Variants in ASTN2 observed in about 807,000 individuals in gnomAD.
The protein encoded by ASTN2 is astrotactin-2.
A neutral mutation model predicts 139.8 loss-of-function variants in ASTN2; 54 were observed. That is an observed-to-expected ratio of 0.39 (90% CI 0.31 to 0.48). The LOEUF is 0.48. Ranked by LOEUF, ASTN2 falls within the 20% of genes least tolerant of loss-of-function variation. ASTN2 has a pLI of 0.95. For synonymous variants in ASTN2, 756 were observed against 719.5 expected, an observed-to-expected ratio of 1.05 and a Z score of -0.81; for missense variants, 1,565 against 1,725.1, an observed-to-expected ratio of 0.91 and a Z score of 1.64.
chr9:116,652,571 C>A (rs1381621649), intron 16 of ASTN2, among the ~76,000 whole-genome samples: 1 of 152,156 alleles, frequency 6.6e-6, no homozygotes, highest in Non-Finnish European at 1.5e-5. Flanking sequence ...GTCAAGCCAA[C>A]TTCATCTGAA....
chr9:117,252,866 G>A (rs1564108139), intron 2 of ASTN2, among the ~76,000 whole-genome samples: 1 of 152,300 alleles, frequency 6.6e-6, no homozygotes, highest in Middle Eastern at 3.4e-3. Flanking sequence ...TAACCTTGGA[G>A]TGAATCCTGG....
intron 1 of ASTN2, among the ~76,000 whole-genome samples, chr9:117,325,029 C>T (rs1300927446): frequency 1.3e-5 from 2 of 152,122 alleles, no homozygotes; most frequent in South Asian, 2.1e-4. Context: ...GGTCTGGGAC[C>T]TGGCATGCTG....
intron 1 of ASTN2, among the ~76,000 whole-genome samples, chr9:117,332,409 A>G (rs963745514): frequency 6.6e-6 from 1 of 152,130 alleles, no homozygotes; most frequent in African/African-American, 2.4e-5. Context: ...TCTCTCCACT[A>G]AAAATACAAA....
chr9:117,348,161 A>G (rs2130875586), intron 1 of ASTN2, among the ~76,000 whole-genome samples: 1 of 152,302 alleles, frequency 6.6e-6, no homozygotes, highest in Middle Eastern at 3.4e-3. Flanking sequence ...CTTCAGGTCA[A>G]CCCGTCTCCC....
intron 5 of ASTN2, among the ~76,000 whole-genome samples, chr9:117,078,065 C>G (rs10759896): frequency 6.6e-6 from 1 of 152,098 alleles, no homozygotes; most frequent in East Asian, 1.9e-4. Flanking sequence ...AGAGTCAATG[C>G]GCACCCTCCT....
intron 1 of ASTN2, among the ~76,000 whole-genome samples, chr9:117,403,149 G>T (rs997913016): frequency 3.9e-5 from 6 of 152,136 alleles, no homozygotes; most frequent in Admixed American, 2.6e-4. Context: ...CTCCCCAGGA[G>T]CCTCAGCAGG....
intron 20 of ASTN2, among the ~76,000 whole-genome samples, chr9:116,456,679 CA>C (rs1236781403): frequency 1.3e-5 from 2 of 152,078 alleles, no homozygotes; most frequent in African/African-American, 4.8e-5. Context: ...ATAAAATGAT[CA>C]AATCTTGTGA....
chr9:116,884,455 G>T (rs2132375910), intron 10 of ASTN2, among the ~76,000 whole-genome samples: 1 of 152,242 alleles, frequency 6.6e-6, no homozygotes, highest in African/African-American at 2.4e-5. Context: ...TTGGCCTGTA[G>T]ATTTTTCTTT....
At chr9:116,562,629 G>T (rs2131666260) in intron 19 of ASTN2, among the ~76,000 whole-genome samples, 1 of 151,364 alleles carries the variant, frequency 6.6e-6, no homozygotes. Flanking sequence ...TACTCAGGAG[G>T]CTGAGGCAGA....
At chr9:116,686,969 C>G (rs544675490) in intron 16 of ASTN2, 73 of 1,461,460 alleles carry the variant, frequency 5.0e-5, no homozygotes, top group Non-Finnish European at 5.8e-5. Context: ...AAGGTGCCAA[C>G]GCTTTGCTGA....
chr9:116,477,894 CAGAG>C (rs1849039413), intron 20 of ASTN2, among the ~76,000 whole-genome samples: 1 of 147,770 alleles, frequency 6.8e-6, no homozygotes, highest in Non-Finnish European at 1.5e-5. Context: ...AAGAAAAAGA[CAGAG>C]AGAGATGGAC....
At chr9:117,378,032 C>T (rs1212449135) in intron 1 of ASTN2, among the ~76,000 whole-genome samples, 1 of 152,136 alleles carries the variant, frequency 6.6e-6, no homozygotes, top group Non-Finnish European at 1.5e-5. Context: ...TCACTTTCTA[C>T]CCCACATGAT....
intron 19 of ASTN2, among the ~76,000 whole-genome samples, chr9:116,499,137 C>A (rs942683807): frequency 1.3e-5 from 2 of 152,168 alleles, no homozygotes; most frequent in Non-Finnish European, 2.9e-5. Flanking sequence ...GATTTTATTC[C>A]AAGCACTAGT....
At chr9:117,163,794 C>G (rs975888068) in intron 3 of ASTN2, among the ~76,000 whole-genome samples, 1 of 151,946 alleles carries the variant, frequency 6.6e-6, no homozygotes, top group African/African-American at 2.4e-5. Flanking sequence ...GGGTTAAGTA[C>G]TTTTGCTATA....
intron 19 of ASTN2, among the ~76,000 whole-genome samples, chr9:116,577,337 T>C (rs1022954361): frequency 2.0e-5 from 3 of 152,130 alleles, no homozygotes; most frequent in Non-Finnish European, 4.4e-5. Flanking sequence ...CAGACCAGCC[T>C]GGGAAACATG....
Position 117,079,162 on chromosome 9 carries a change from C to T in ASTN2, c.1276+16882G>A, listed in dbSNP as rs1387026385. The stretch of plus-strand genomic sequence containing the variant: ...CTTGAGTCCAGGAGTTTGAGACCAG[C>T]CTGGGCAACATAGTAAGATCCTGCC... On this transcript the variant is annotated intron_variant, in intron 5 of 22. Coordinates refer to ENST00000313400, the MANE Select transcript of ASTN2 (RefSeq NM_001365068.1). Among the ~76,000 whole-genome samples, 4 of 152,126 alleles carry T rather than the reference C, an allele frequency of 2.6e-5. No individual in the cohort carries two copies. In the East Asian group the frequency reaches 7.7e-4, roughly 29 times the overall value.
chr9:117,124,978 G>A (rs1829651236), intron 4 of ASTN2, among the ~76,000 whole-genome samples: 1 of 152,106 alleles, frequency 6.6e-6, no homozygotes, highest in African/African-American at 2.4e-5. Context: ...TAAGATAGTA[G>A]GTGCAAAAAT....
rs1487758890 is a variant in ASTN2 at position 116,996,871 on chromosome 9, GCCATTTTTAGAAGA to G, written c.1591+11207_1591+11220del. On this transcript the variant is annotated intron_variant, in intron 7 of 22. Transcript: ENST00000313400. ...TTATTTTTTAAATAGTAGGACATAT[GCCATTTTTAGAAGA>G]CCAATATATTTTTTAACACATTTTT... Among the ~76,000 whole-genome samples, 4 of 152,046 alleles carry G rather than the reference GCCATTTTTAGAAGA, an allele frequency of 2.6e-5. No individual in the cohort carries two copies. The East Asian group carries it at 7.7e-4, about 29-fold the overall frequency.
intron 1 of ASTN2, among the ~76,000 whole-genome samples, chr9:117,340,060 A>G (rs1349766577): frequency 6.6e-6 from 1 of 151,716 alleles, no homozygotes; most frequent in African/African-American, 2.4e-5. Context: ...GAGACATCAG[A>G]CCCTCCCTGT....
Sources: gnomAD v4.1 joint callset for allele counts (sites outside exome capture counted in the v4.1 genomes callset) on GRCh38, gnomAD v4.1.1 for gene constraint, MANE v1.5 for transcripts, NCBI Gene and HGNC (gene_info 2026-07-23, HGNC 2026-07-21) for gene names.